The following MFHAS1 variants were observed in gnomAD, a reference collection of about 807,000 sequenced individuals.
MFHAS1 encodes malignant fibrous histiocytoma-amplified sequence 1.
A neutral mutation model predicts 70.4 loss-of-function variants in MFHAS1; 50 were observed. That is an observed-to-expected ratio of 0.71 (90% confidence interval 0.57 to 0.90). MFHAS1 has a LOEUF of 0.90. MFHAS1 is among the 40% of genes least tolerant of loss of function. The pLI is 0.00. For synonymous variants in MFHAS1, 952 were observed against 620.0 expected, an observed-to-expected ratio of 1.54 and a Z score of -7.96; for missense variants, 1,795 against 1,347.6, an observed-to-expected ratio of 1.33 and a Z score of -5.20.
At chr8:8,854,134 C>A (rs1465821303) in intron 1 of MFHAS1, among the ~76,000 whole-genome samples, 1 of 152,174 alleles carries the variant, frequency 6.6e-6, no homozygotes, top group Non-Finnish European at 1.5e-5. Context: ...TGGTGGCTCA[C>A]AGCTGTAATC....
chr8:8,858,401 A>T (rs1256384289), intron 1 of MFHAS1, among the ~76,000 whole-genome samples: 3 of 152,186 alleles, frequency 2.0e-5, no homozygotes, highest in African/African-American at 7.2e-5. Context: ...AAGAAAATTT[A>T]AATTTAATAT....
At chr8:8,826,082 A>G (rs1807148319) in intron 1 of MFHAS1, among the ~76,000 whole-genome samples, 1 of 152,208 alleles carries the variant, frequency 6.6e-6, no homozygotes, top group Non-Finnish European at 1.5e-5. Context: ...CTTCCTTTAA[A>G]GTTAACACAT....
intron 1 of MFHAS1, among the ~76,000 whole-genome samples, chr8:8,798,109 C>T (rs1805971985): frequency 6.6e-6 from 1 of 152,174 alleles, no homozygotes; most frequent in Non-Finnish European, 1.5e-5. Flanking sequence ...TAATGGATCA[C>T]CACAATACTT....
intron 1 of MFHAS1, among the ~76,000 whole-genome samples, chr8:8,809,339 C>T (rs904127170): frequency 1.3e-5 from 2 of 152,190 alleles, no homozygotes; most frequent in Admixed American, 6.5e-5. Flanking sequence ...TTGGAGACAG[C>T]TGCTCTTGGT....
At chr8:8,810,415 A>G (rs1194080432) in intron 1 of MFHAS1, among the ~76,000 whole-genome samples, 1 of 152,148 alleles carries the variant, frequency 6.6e-6, no homozygotes, top group African/African-American at 2.4e-5. Flanking sequence ...TGAACAACAA[A>G]GGTTTGAACC....
In MFHAS1 at chr8:8,806,622, T is replaced by C. The variant is rs577469644; in HGVS notation, c.2999-9131A>G. On this transcript the variant is annotated intron_variant, in intron 1 of 2. Coordinates refer to ENST00000276282, the MANE Select transcript of MFHAS1 (RefSeq NM_004225.3). ...ATTGCAATAACACAAGAACAATAGA[T>C]GCTTTCTCTAGATTTTGTATGAGAT... 2.8e-4 allele frequency among the ~76,000 whole-genome samples: 43 copies of C among 152,322 alleles called. 1 individual carries two copies. In the South Asian group the frequency reaches 8.7e-3, roughly 31 times the overall value.
chr8:8,890,772 C>T lies in MFHAS1; in HGVS notation c.2287G>A (p.Glu763Lys), dbSNP rs568897405. The change falls in exon 1 of 3, where the codon GAG becomes AAG. Residue 763 changes from glutamate to lysine, a missense_variant. Coordinates refer to ENST00000276282, the MANE Select transcript of MFHAS1 (RefSeq NM_004225.3). ...LLGTSGEGKA[E>K]GESSPPMARS... ...GCCATGGGCGGGGAGCTTTCCCCCT[C>T]CGCCTTGCCCTCTCCACTGGTCCCT... The T allele has an allele frequency of 4.3e-6, 7 of 1,613,956 alleles. No individual in the cohort carries two copies. Among genetic ancestry groups the T allele is most frequent in the African/African-American group, 4.0e-5 (3 of 75,066 alleles).
intron 1 of MFHAS1, among the ~76,000 whole-genome samples, chr8:8,817,872 G>A (rs567382036): frequency 6.6e-6 from 1 of 152,170 alleles, no homozygotes; most frequent in East Asian, 1.9e-4. Flanking sequence ...GCAGAGCTCA[G>A]GCAGAAATGT....
chr8:8,823,417 T>A (rs924559809), intron 1 of MFHAS1, among the ~76,000 whole-genome samples: 4 of 152,160 alleles, frequency 2.6e-5, no homozygotes, highest in African/African-American at 9.7e-5. Context: ...GGTGCTGCGC[T>A]AACTCCCTGC....
chr8:8,857,128 A>T (rs1252334992), intron 1 of MFHAS1, among the ~76,000 whole-genome samples: 2 of 152,196 alleles, frequency 1.3e-5, no homozygotes, highest in Admixed American at 1.3e-4. Flanking sequence ...CCAAAAACAG[A>T]TTCAGTCCCT....
In MFHAS1 at chr8:8,892,942, G is replaced by A. The variant is rs770289859; in HGVS notation, c.117C>T (p.Ala39=). The change falls in exon 1 of 3, where the codon GCC becomes GCT. Residue 39 remains alanine, a synonymous_variant. Transcript: ENST00000276282. This position sits in a 1 kb window ranked among gnomAD's most constrained non-coding sequence, Gnocchi z 4.7. The stretch of plus-strand genomic sequence containing the variant: ...GCGCGTCGGCCCCGGCCCCGGGGCA[G>A]GCCCCGGCGGCGGTAAGCGTGAGCT... ...LRQLTLTAAG[A]CPGAGADALE... The A allele has an allele frequency of 4.5e-6, 7 of 1,547,666 alleles. No individual in the cohort carries two copies. The highest frequency in any genetic ancestry group is 4.2e-5 in the African/African-American group (3 of 70,932).
rs935835606 is a variant in MFHAS1 at position 8,853,382 on chromosome 8, T to G, written c.2998+36679A>C. ...GAGAAAGCGGAAGGGAACCAGGATC[T>G]GACTCGTAATTACAGTTCCATAAAC... is the stretch of plus-strand genomic sequence containing the variant. On this transcript the variant is annotated intron_variant, in intron 1 of 2. Coordinates refer to ENST00000276282, the MANE Select transcript of MFHAS1 (RefSeq NM_004225.3). Among the ~76,000 whole-genome samples the G allele has an allele frequency of 2.6e-5, 4 of 151,282 alleles. No individual in the cohort carries two copies. The East Asian group carries it at 7.7e-4, about 29-fold the overall frequency.
chr8:8,866,281 G>C (rs1022118272), intron 1 of MFHAS1, among the ~76,000 whole-genome samples: 4 of 151,462 alleles, frequency 2.6e-5, no homozygotes, highest in African/African-American at 9.7e-5. Context: ...CCTAGAACAG[G>C]GATCTATGGC....
At position 8,893,628 on chromosome 8, in the gene MFHAS1, G is replaced by T. The variant is rs992458333; in HGVS notation, c.-570C>A. The stretch of plus-strand genomic sequence containing the variant: ...CGCTGGGAGGGCGCGATTGGGAAGC[G>T]GCAGCGCCGCCCGCCGGAGCGGCCC... On this transcript the variant is annotated 5_prime_UTR_variant, in exon 1 of 3. Coordinates refer to ENST00000276282, the MANE Select transcript of MFHAS1 (RefSeq NM_004225.3). 5.5e-5 allele frequency: 8 copies of T among 146,664 alleles called. No homozygotes were observed. The highest frequency in any genetic ancestry group is 1.7e-4 in the African/African-American group (7 of 40,844). 9.1% of individuals were successfully genotyped at this position (146,664 alleles called of 1,614,324 possible).
chr8:8,785,141 A>T lies in MFHAS1; in HGVS notation c.*881T>A, dbSNP rs1805492400. 6.6e-6 allele frequency: 1 copy of T among 152,212 alleles called. No individual in the cohort carries two copies. The highest frequency in any genetic ancestry group is 1.5e-5 in the Non-Finnish European group (1 of 68,048). 9.4% of individuals were successfully genotyped at this position (152,212 alleles called of 1,614,324 possible). ...TGACTCCTGATTATCTTAAGCCATT[A>T]AAAGACTCAAGTTTTGCATGGACTT... On this transcript the variant is annotated 3_prime_UTR_variant, in exon 3 of 3. Coordinates refer to ENST00000276282, the MANE Select transcript of MFHAS1 (RefSeq NM_004225.3).
In MFHAS1 at chr8:8,891,934, G is replaced by A; in HGVS notation, c.1125C>T (p.Asn375=). 2 of 1,611,220 alleles carry A rather than the reference G, an allele frequency of 1.2e-6. No homozygotes were observed. The highest frequency in any genetic ancestry group is 1.1e-5 in the South Asian group (1 of 90,738). ...CCTCGTAGGGGGGCTGGATCAGTGG[G>A]TTGTCTTTGATCTTCCACAAACCCA... ...SRVGLWKIKD[N]PLIQPPYEVC... The change falls in exon 1 of 3, where the codon AAC becomes AAT. Residue 375 remains asparagine, a synonymous_variant. Coordinates refer to ENST00000276282, the MANE Select transcript of MFHAS1 (RefSeq NM_004225.3). This position sits in a 1 kb window ranked among gnomAD's most constrained non-coding sequence, Gnocchi z 5.4.
At chr8:8,886,847 C>T (rs1157672601) in intron 1 of MFHAS1, among the ~76,000 whole-genome samples, 2 of 152,142 alleles carry the variant, frequency 1.3e-5, no homozygotes, top group Non-Finnish European at 2.9e-5. Flanking sequence ...CAAAGGTGGC[C>T]AAGCCTAGTG....
At chr8:8,812,579 T>C (rs956478254) in intron 1 of MFHAS1, among the ~76,000 whole-genome samples, 2 of 152,154 alleles carry the variant, frequency 1.3e-5, no homozygotes, top group African/African-American at 4.8e-5. Context: ...TTGGAAATCA[T>C]TACTTCTTAT....
chr8:8,814,263 T>C (rs1028009056), intron 1 of MFHAS1, among the ~76,000 whole-genome samples: 7 of 152,144 alleles, frequency 4.6e-5, no homozygotes, highest in African/African-American at 1.7e-4. Flanking sequence ...TATACTGTAT[T>C]TTGATTGTAC....
Sources: gnomAD v4.1 joint callset for allele counts (sites outside exome capture counted in the v4.1 genomes callset) on GRCh38, gnomAD v4.1.1 for gene constraint, Gnocchi (gnomAD v3.1) non-coding constraint, MANE v1.5 for transcripts, NCBI Gene and HGNC (gene_info 2026-07-23, HGNC 2026-07-21) for gene names.